Variants in MLKL observed in about 807,000 individuals in gnomAD.
MLKL encodes mixed lineage kinase domain like pseudokinase.
Under a neutral mutation model 56.5 loss-of-function variants are expected in MLKL, and 55 were observed. The ratio of observed to expected loss-of-function variants is 0.97; its 90% confidence interval spans 0.78 to 1.22. The LOEUF is 1.22. Ranked by LOEUF, MLKL falls within the 50% of genes most tolerant of loss-of-function variation. The pLI is 0.00. For missense variants in MLKL, 694 were observed against 573.9 expected (o/e 1.21, Z -2.14); for synonymous variants, 251 against 208.3 (o/e 1.20, Z -1.76).
At chr16:74,679,270 G>T (rs1263948529) in intron 6 of MLKL, among the ~76,000 whole-genome samples, 2 of 152,206 alleles carry the variant, frequency 1.3e-5, no homozygotes, top group Non-Finnish European at 2.9e-5. Flanking sequence ...GTGTTGCTTT[G>T]CCTGGGAAGT....
At chr16:74,689,432 G>C (rs766894172) in intron 4 of MLKL, among the ~76,000 whole-genome samples, 2 of 152,006 alleles carry the variant, frequency 1.3e-5, no homozygotes, top group Admixed American at 1.3e-4. Context: ...TATATTTAAA[G>C]CCATTAAATT....
At chr16:74,689,507 C>T (rs951965068) in intron 4 of MLKL, among the ~76,000 whole-genome samples, 1 of 152,110 alleles carries the variant, frequency 6.6e-6, no homozygotes, top group African/African-American at 2.4e-5. Context: ...GTTAAAAATA[C>T]AGTCTCAATG....
chr16:74,672,116 C>T lies in MLKL; in HGVS notation c.*388G>A, dbSNP rs889166933. The T allele has an allele frequency of 2.4e-5, 4 of 166,738 alleles. No individual in the cohort carries two copies. The highest frequency in any genetic ancestry group is 5.2e-5 in the Non-Finnish European group (4 of 77,242). The allele number at this position is 166,738 out of a possible 1,614,324, so 10.3% of individuals were successfully genotyped here. ...TTTATAAGGCCTCTTGAAACCTAGGCTTGGAACTGGCATACAGTCACTTCT... is the reference window on the plus strand; with the variant it reads ...TTTATAAGGCCTCTTGAAACCTAGGTTTGGAACTGGCATACAGTCACTTCT... On this transcript the variant is annotated 3_prime_UTR_variant, in exon 11 of 11. Coordinates refer to ENST00000308807, the MANE Select transcript of MLKL (RefSeq NM_152649.4).
chr16:74,687,777 T>A (rs1008965988), intron 4 of MLKL, among the ~76,000 whole-genome samples: 3 of 152,158 alleles, frequency 2.0e-5, no homozygotes, highest in African/African-American at 2.4e-5. Flanking sequence ...CAAGAGATTC[T>A]ACTGCCTCAG....
At chr16:74,672,961 G>A (rs557757762) in intron 10 of MLKL, among the ~76,000 whole-genome samples, 6 of 152,304 alleles carry the variant, frequency 3.9e-5, no homozygotes, top group African/African-American at 1.4e-4. Context: ...TCTGCTCTGT[G>A]GTGGTGAAGA....
intron 7 of MLKL, chr16:74,677,735 C>T (rs1335198031): frequency 1.3e-5 from 2 of 152,116 alleles, no homozygotes; most frequent in Non-Finnish European, 2.9e-5. Context: ...TGGAGTTCAA[C>T]CACGCGATCT....
intron 8 of MLKL, 41 bp downstream of exon 8, chr16:74,675,572 T>TGCACATC (rs1237372973): frequency 6.3e-7 from 1 of 1,598,020 alleles, no homozygotes; most frequent in African/African-American, 1.3e-5. Context: ...TTTCCTATTA[T>TGCACATC]GCACATCTGA....
intron 6 of MLKL, 63 bp from the exon 7 acceptor site, chr16:74,679,043 A>G: frequency 7.5e-7 from 1 of 1,324,840 alleles, no homozygotes; most frequent in South Asian, 1.2e-5. Flanking sequence ...GGGGACTGAC[A>G]ATCATAACTG....
In MLKL at chr16:74,692,394, T is replaced by C. The variant is rs764125201; in HGVS notation, c.483A>G (p.Ser161=). 1.9e-6 allele frequency: 3 copies of C among 1,613,704 alleles called. No individual in the cohort carries two copies. The highest frequency in any genetic ancestry group is 2.5e-6 in the Non-Finnish European group (3 of 1,179,910). ...LRRDNEKIEA[S]LRRLEINMKE... ...TCATGTTGATTTCTAATCGTCTCAG[T>C]GAAGCTTCTATTTTTTCATTATCTG... Residue 161 remains serine (S), a synonymous_variant, in exon 3 of 11, where the codon TCA becomes TCG. Coordinates refer to ENST00000308807, the MANE Select transcript of MLKL (RefSeq NM_152649.4).
At chr16:74,673,380 G>A (rs556873032) in intron 10 of MLKL, among the ~76,000 whole-genome samples, 2 of 152,178 alleles carry the variant, frequency 1.3e-5, no homozygotes, top group South Asian at 2.1e-4. Flanking sequence ...ACTATGCCCA[G>A]CTATTTTTTG....
intron 4 of MLKL, among the ~76,000 whole-genome samples, chr16:74,686,391 C>G (rs1960328726): frequency 6.6e-6 from 1 of 152,086 alleles, no homozygotes; most frequent in Non-Finnish European, 1.5e-5. Flanking sequence ...GACAATCCTG[C>G]CGAACATGGT....
At chr16:74,693,293 C>A (rs1309245605) in intron 2 of MLKL, among the ~76,000 whole-genome samples, 1 of 151,514 alleles carries the variant, frequency 6.6e-6, no homozygotes, top group Non-Finnish European at 1.5e-5. Context: ...GATAGTGAAA[C>A]CCCGTCTCTA....
In MLKL at chr16:74,672,433, A is replaced by C; in HGVS notation, c.*71T>G. On this transcript the variant is annotated 3_prime_UTR_variant, in exon 11 of 11. Coordinates refer to ENST00000308807, the MANE Select transcript of MLKL (RefSeq NM_152649.4). ...ATAACCCAATGCCGAAGGATATGAG[A>C]GAGAGAGATGTCCAGTTTGTGCCTC... 2 of 1,396,362 alleles carry C rather than the reference A, an allele frequency of 1.4e-6. No individual in the cohort carries two copies. Among genetic ancestry groups the C allele is most frequent in the Non-Finnish European group, 2.0e-6 (2 of 984,694 alleles). The allele number at this position is 1,396,362 out of a possible 1,614,324, so 86.5% of individuals were successfully genotyped here.
chr16:74,689,967 A>G (rs1251130716), intron 4 of MLKL, among the ~76,000 whole-genome samples: 2 of 152,238 alleles, frequency 1.3e-5, no homozygotes, highest in Non-Finnish European at 2.9e-5. Flanking sequence ...TTTAAGATCT[A>G]GAGGTGGAGC....
At chr16:74,672,738 C>T (rs1438889422) in intron 10 of MLKL, among the ~76,000 whole-genome samples, 200 bp from the exon 11 acceptor site, 2 of 152,180 alleles carry the variant, frequency 1.3e-5, no homozygotes, top group Non-Finnish European at 2.9e-5. Context: ...ACAAACACCT[C>T]ACAGGAGGGG....
intron 7 of MLKL, chr16:74,676,439 G>A (rs1959600469): frequency 1.0e-6 from 1 of 985,466 alleles, no homozygotes; most frequent in South Asian, 4.7e-5. Flanking sequence ...GGGGCAATGT[G>A]AGAAAAGGGA....
rs1432555469 is a variant in MLKL, at chr16:74,681,199, T to C, written c.956+1452A>G. ...TGGCACCATGCTGGGCTAATTTCTG[T>C]ATTTTTAGTAAAAACAGGGTTTCGC... On this transcript the variant is annotated intron_variant, in intron 6 of 10. Coordinates refer to ENST00000308807, the MANE Select transcript of MLKL (RefSeq NM_152649.4). Among the ~76,000 whole-genome samples the C allele has an allele frequency of 2.0e-5, 3 of 152,042 alleles. No homozygotes were observed. In the East Asian group the frequency reaches 5.8e-4, roughly 30 times the overall value.
intron 6 of MLKL, among the ~76,000 whole-genome samples, chr16:74,680,653 C>T (rs1005865407): frequency 2.0e-5 from 3 of 152,106 alleles, no homozygotes; most frequent in African/African-American, 7.2e-5. Context: ...ACTATAGGTG[C>T]GTGCCATCAC....
rs147759289 is a variant in MLKL at position 74,680,100 on chromosome 16, G to C, written c.957-1120C>G. Among the ~76,000 whole-genome samples, 60 of 152,288 alleles carry C rather than the reference G, an allele frequency of 3.9e-4. No individual in the cohort carries two copies. The East Asian group carries it at 0.011, about 27-fold the overall frequency. On this transcript the variant is annotated intron_variant, in intron 6 of 10. Coordinates refer to ENST00000308807, the MANE Select transcript of MLKL (RefSeq NM_152649.4). ...GCAGGGACAGATGGATATAAAACTCGTGGGCACTTTCAGCTGTCTATAAGG... is the reference window on the plus strand; with the variant it reads ...GCAGGGACAGATGGATATAAAACTCCTGGGCACTTTCAGCTGTCTATAAGG...
Sources: gnomAD v4.1 joint callset for allele counts (sites outside exome capture counted in the v4.1 genomes callset) on GRCh38, gnomAD v4.1.1 for gene constraint, MANE v1.5 for transcripts, NCBI Gene and HGNC (gene_info 2026-07-23, HGNC 2026-07-21) for gene names.